OTUD7A: variants seen among roughly 807,000 people sequenced by gnomAD.
OTUD7A encodes OTU deubiquitinase 7A.
In OTUD7A, 12 loss-of-function variants were observed where a neutral mutation model predicts 65.7. That is an observed-to-expected ratio of 0.18 (90% CI 0.12 to 0.30). OTUD7A has a LOEUF of 0.30. OTUD7A is among the 10% of genes least tolerant of loss of function. The pLI is 1.00. For synonymous variants in OTUD7A, 641 were observed against 586.3 expected, an observed-to-expected ratio of 1.09 and a Z score of -1.35; for missense variants, 1,148 against 1,304.8, an observed-to-expected ratio of 0.88 and a Z score of 1.85.
intron 1 of OTUD7A, among the ~76,000 whole-genome samples, chr15:31,787,228 T>C (rs893739960): frequency 2.6e-5 from 4 of 152,192 alleles, no homozygotes; most frequent in African/African-American, 7.2e-5. Flanking sequence ...TTGATGGTTA[T>C]AAGAAGCATG....
At chr15:31,847,884 G>C (rs1407383767) in intron 1 of OTUD7A, among the ~76,000 whole-genome samples, 1 of 152,116 alleles carries the variant, frequency 6.6e-6, no homozygotes, top group Non-Finnish European at 1.5e-5. Flanking sequence ...AAAGCAAAGG[G>C]GGAAGGAAGT....
At chr15:31,629,905 G>A (rs997712234) in intron 3 of OTUD7A, among the ~76,000 whole-genome samples, 7 of 152,114 alleles carry the variant, frequency 4.6e-5, no homozygotes, top group African/African-American at 1.7e-4. Context: ...ATTCTCTGAT[G>A]GTAGTTTGTA....
Position 31,493,232 on chromosome 15 carries a change from A to C in OTUD7A, c.1172-5666T>G, listed in dbSNP as rs189434451. On this transcript the variant is annotated intron_variant, in intron 10 of 12. Transcript: ENST00000307050. ...GATATTCACTAATGGAAAGAGAGCTAGAGTAGCCATATTTATGTCAAAGTA... is the reference window on the plus strand; with the variant it reads ...GATATTCACTAATGGAAAGAGAGCTCGAGTAGCCATATTTATGTCAAAGTA... Among the ~76,000 whole-genome samples the C allele has an allele frequency of 2.9e-3, 435 of 152,342 alleles. 4 individuals are homozygous for C. The highest frequency in any genetic ancestry group is 0.01 in the African/African-American group (417 of 41,576).
chr15:31,579,741 C>T (rs1049091544), intron 3 of OTUD7A, among the ~76,000 whole-genome samples: 17 of 152,296 alleles, frequency 1.1e-4, no homozygotes, highest in East Asian at 1.9e-4. Context: ...CACATGCACA[C>T]ACATACAATA....
chr15:31,827,343 C>A (rs185715672), intron 1 of OTUD7A, among the ~76,000 whole-genome samples: 1 of 152,288 alleles, frequency 6.6e-6, no homozygotes, highest in African/African-American at 2.4e-5. Context: ...AAAGCAGAAA[C>A]CCTGGATAAA....
In OTUD7A at chr15:31,846,335, T is replaced by C. The variant is rs756229923; in HGVS notation, c.-100+24172A>G. On this transcript the variant is annotated intron_variant, in intron 1 of 12. Transcript: ENST00000307050. ...GTCTTTTTCTTTTTTGGGTAGAGGT[T>C]TGTGGAGGAAGGGTATGGGATTACA... Among the ~76,000 whole-genome samples, 34 of 152,014 alleles carry C rather than the reference T, an allele frequency of 2.2e-4. 1 individual carries two copies. Among genetic ancestry groups the C allele is most frequent in the Non-Finnish European group, 4.4e-4 (30 of 67,988 alleles).
At chr15:31,720,533 T>C (rs1436298582) in intron 1 of OTUD7A, among the ~76,000 whole-genome samples, 1 of 151,842 alleles carries the variant, frequency 6.6e-6, no homozygotes, top group African/African-American at 2.4e-5. Context: ...CCCGAGTAGC[T>C]GGGACTACAG....
chr15:31,654,997 A>G, intron 3 of OTUD7A, 99 bp downstream of exon 3: 1 of 1,402,894 alleles, frequency 7.1e-7, no homozygotes, highest in Non-Finnish European at 9.5e-7. Flanking sequence ...AAGCCCACTT[A>G]GTGCTCAAGT....
In OTUD7A at chr15:31,652,000, C is replaced by CA. The variant is rs34951638; in HGVS notation, c.151+3095dup. Among the ~76,000 whole-genome samples the CA allele has an allele frequency of 9.4e-3, 1,078 of 114,640 alleles. 8 individuals are homozygous for CA. The highest frequency in any genetic ancestry group is 0.026 in the African/African-American group (866 of 33,380). The allele number at this position is 114,640 out of a possible 152,430, so 75.2% of individuals were successfully genotyped here. On this transcript the variant is annotated intron_variant, in intron 3 of 12. Transcript: ENST00000307050. ...AGATCCTAAAGTTCACATAGAAAGG[C>CA]AAAAAAAAAAAAAAAAAGAATAGCT... is the stretch of plus-strand genomic sequence containing the variant.
intron 1 of OTUD7A, among the ~76,000 whole-genome samples, chr15:31,694,499 CAAG>C (rs1469272018): frequency 3.3e-5 from 5 of 152,160 alleles, no homozygotes; most frequent in Non-Finnish European, 7.4e-5. Flanking sequence ...CAGCAAGTTT[CAAG>C]AATTTTTAAG....
At chr15:31,530,625 A>G (rs535781478) in intron 6 of OTUD7A, 82 bp downstream of exon 6, 8 of 1,304,944 alleles carry the variant, frequency 6.1e-6, no homozygotes, top group East Asian at 4.8e-5. Context: ...TTTTCCTTCA[A>G]TAGTGTTTCC....
chr15:31,773,630 G>C (rs1895296492), intron 1 of OTUD7A, among the ~76,000 whole-genome samples: 1 of 152,186 alleles, frequency 6.6e-6, no homozygotes, highest in South Asian at 2.1e-4. Context: ...TGTAATACCA[G>C]TTTAATCCCA....
intron 1 of OTUD7A, chr15:31,767,439 C>T (rs935225400): frequency 2.6e-6 from 2 of 774,348 alleles, no homozygotes; most frequent in African/African-American, 1.7e-5. Context: ...CATATCATTG[C>T]TTCTTGGCCA....
intron 1 of OTUD7A, among the ~76,000 whole-genome samples, chr15:31,695,082 C>A (rs60165096): frequency 6.6e-6 from 1 of 152,040 alleles, no homozygotes; most frequent in Non-Finnish European, 1.5e-5. Flanking sequence ...CCTGACCTTG[C>A]GATCCGCCCA....
At chr15:31,856,280 G>A (rs914222515) in intron 1 of OTUD7A, among the ~76,000 whole-genome samples, 4 of 152,206 alleles carry the variant, frequency 2.6e-5, no homozygotes, top group Non-Finnish European at 2.9e-5. Context: ...CTAGAAAGAT[G>A]CACAAGGAGC....
intron 1 of OTUD7A, among the ~76,000 whole-genome samples, chr15:31,657,363 CTT>C (rs71424606): frequency 6.8e-6 from 1 of 146,692 alleles, no homozygotes. Context: ...TTTCCTTTTT[CTT>C]TTTTTTTTTG....
rs867248570 is a variant in OTUD7A at position 31,720,663 on chromosome 15, A to G, written c.-99-63586T>C. 6.6e-5 allele frequency among the ~76,000 whole-genome samples: 10 copies of G among 152,212 alleles called. No individual in the cohort carries two copies. The South Asian group carries it at 1.0e-3, about 16-fold the overall frequency. On this transcript the variant is annotated intron_variant, in intron 1 of 12. Coordinates refer to ENST00000307050, the MANE Select transcript of OTUD7A (RefSeq NM_001382637.1). ...GATCTGCCCGCCTCAGCCTCCCAAA[A>G]TGCTGGGATTACAGGCGTGAGCCAC... is the stretch of plus-strand genomic sequence containing the variant.
intron 4 of OTUD7A, among the ~76,000 whole-genome samples, chr15:31,564,694 G>C (rs970685159): frequency 1.1e-4 from 16 of 152,082 alleles, no homozygotes; most frequent in African/African-American, 3.6e-4. Context: ...AGATAGAGAA[G>C]ATAGGACAGA....
chr15:31,544,840 G>A (rs754151859), intron 5 of OTUD7A, among the ~76,000 whole-genome samples: 1 of 151,790 alleles, frequency 6.6e-6, no homozygotes, highest in Non-Finnish European at 1.5e-5. Context: ...AAGAAGGACA[G>A]AATTCAAATT....
Sources: allele counts gnomAD v4.1 joint callset (sites outside exome capture counted in the v4.1 genomes callset), GRCh38; gene constraint gnomAD v4.1.1; transcripts MANE v1.5; gene names NCBI Gene and HGNC (gene_info 2026-07-23, HGNC 2026-07-21).